The following CPEB3 variants were observed in gnomAD, a reference collection of about 807,000 sequenced individuals.
CPEB3 encodes the protein cytoplasmic polyadenylation element binding protein 3, also known as cytoplasmic polyadenylation element-binding protein 3.
Under a neutral mutation model 67.2 loss-of-function variants are expected in CPEB3, and 20 were observed. The observed-to-expected ratio is 0.30, with a 90% CI of 0.21 to 0.43. CPEB3 has a LOEUF of 0.43. Among genes scored for constraint, CPEB3 ranks in the 20% least tolerant of loss-of-function variants. The probability of loss-of-function intolerance (pLI) is 1.00; values close to 1 mark genes in which losing one functional copy is unlikely to be tolerated. For missense variants in CPEB3, 746 were observed against 968.6 expected (o/e 0.77, Z 3.05); for synonymous variants, 376 against 393.1 (o/e 0.96, Z 0.51).
intron 6 of CPEB3, among the ~76,000 whole-genome samples, chr10:92,142,043 A>C (rs534329427): frequency 1.7e-4 from 26 of 151,722 alleles, no homozygotes; most frequent in East Asian, 3.9e-4. Context: ...TAAAAACAAA[A>C]AAAAAAAAAA....
chr10:92,283,076 C>A (rs1376454450), intron 1 of CPEB3, among the ~76,000 whole-genome samples: 1 of 152,128 alleles, frequency 6.6e-6, no homozygotes, highest in Non-Finnish European at 1.5e-5. Flanking sequence ...CATGGCGAAA[C>A]CCTGTCTCTA....
chr10:92,049,224 TTTTC>T lies in CPEB3; in HGVS notation c.*2984_*2987del, dbSNP rs1449393128. On this transcript the variant is annotated 3_prime_UTR_variant, in exon 10 of 10. Transcript: ENST00000265997. ...TTATGCCTTTTTTCTTTTCTTTTTTTTTTCTATTTTTTATACAAACAGTACAAAC... is the reference window on the plus strand; with the variant it reads ...TTATGCCTTTTTTCTTTTCTTTTTTTTATTTTTTATACAAACAGTACAAAC... The T allele has an allele frequency of 6.6e-6, 1 of 152,514 alleles. No homozygotes were observed. The highest frequency in any genetic ancestry group is 1.5e-5 in the Non-Finnish European group (1 of 68,036). The allele number at this position is 152,514 out of a possible 1,614,324, so 9.4% of individuals were successfully genotyped here. A position where few individuals can be genotyped will look rare whatever the true frequency, so the allele number is the denominator to read the frequency against.
chr10:92,174,004 A>T (rs1396480054), intron 4 of CPEB3, among the ~76,000 whole-genome samples: 1 of 152,220 alleles, frequency 6.6e-6, no homozygotes, highest in Non-Finnish European at 1.5e-5. Flanking sequence ...AATGTCTTTA[A>T]TCTGAGAATC....
At chr10:92,181,619 A>G (rs1282682288) in intron 3 of CPEB3, among the ~76,000 whole-genome samples, 2 of 152,166 alleles carry the variant, frequency 1.3e-5, no homozygotes, top group Non-Finnish European at 2.9e-5. Flanking sequence ...TAATCTCCAC[A>G]TGTTCATCCT....
chr10:92,244,880 C>T (rs943970834), intron 1 of CPEB3, among the ~76,000 whole-genome samples: 3 of 152,268 alleles, frequency 2.0e-5, no homozygotes, highest in African/African-American at 7.2e-5. Context: ...GGTTTGTTCA[C>T]GTAGGCAGAA....
chr10:92,222,638 C>T (rs1259977243), intron 2 of CPEB3, among the ~76,000 whole-genome samples: 1 of 152,144 alleles, frequency 6.6e-6, no homozygotes, highest in Non-Finnish European at 1.5e-5. Flanking sequence ...AGTGCTTTTA[C>T]TCTGTATCTG....
At chr10:92,235,819 T>C (rs1452151175) in intron 2 of CPEB3, among the ~76,000 whole-genome samples, 1 of 152,228 alleles carries the variant, frequency 6.6e-6, no homozygotes, top group African/African-American at 2.4e-5. Flanking sequence ...TTATCCTCTG[T>C]AAAATGAGCA....
chr10:92,172,941 T>C (rs1349484097), intron 4 of CPEB3, among the ~76,000 whole-genome samples: 1 of 152,200 alleles, frequency 6.6e-6, no homozygotes, highest in Non-Finnish European at 1.5e-5. Flanking sequence ...GCACATCTTT[T>C]AGGAAGAAAT....
chr10:92,232,795 T>C (rs1426972622), intron 2 of CPEB3, among the ~76,000 whole-genome samples: 1 of 150,956 alleles, frequency 6.6e-6, no homozygotes, highest in Non-Finnish European at 1.5e-5. Flanking sequence ...GGCTAACCAA[T>C]AGAGAAAGCT....
At chr10:92,170,178 G>C (rs1321293732) in intron 4 of CPEB3, among the ~76,000 whole-genome samples, 1 of 152,088 alleles carries the variant, frequency 6.6e-6, no homozygotes, top group Non-Finnish European at 1.5e-5. Flanking sequence ...TCTTCTTCCT[G>C]TCTTGTACAA....
chr10:92,235,562 A>G (rs931558455), intron 2 of CPEB3, among the ~76,000 whole-genome samples: 2 of 152,260 alleles, frequency 1.3e-5, no homozygotes, highest in African/African-American at 4.8e-5. Context: ...TGGGCCAGGC[A>G]CTGTGCTACG....
chr10:92,163,222 G>A (rs1006440680), intron 4 of CPEB3, among the ~76,000 whole-genome samples: 6 of 152,176 alleles, frequency 3.9e-5, no homozygotes, highest in African/African-American at 1.2e-4. Flanking sequence ...ATCACCTGAG[G>A]TCAGGAGTTC....
intron 2 of CPEB3, chr10:92,216,368 G>A: frequency 1.2e-6 from 2 of 1,611,440 alleles, no homozygotes; most frequent in South Asian, 1.1e-5. Flanking sequence ...AGGGCCCGAG[G>A]CTCAGGCGGA....
intron 4 of CPEB3, among the ~76,000 whole-genome samples, chr10:92,151,028 C>T (rs1403028098): frequency 6.6e-6 from 1 of 152,168 alleles, no homozygotes; most frequent in Non-Finnish European, 1.5e-5. Context: ...AGTAATTGGA[C>T]AAATCATCTC....
chr10:92,194,813 G>A (rs1287851714), intron 2 of CPEB3, among the ~76,000 whole-genome samples: 5 of 151,876 alleles, frequency 3.3e-5, no homozygotes, highest in African/African-American at 1.2e-4. Context: ...AGGCTGAGGC[G>A]GGCGGATCAC....
At chr10:92,223,567 CTTTTT>C (rs903904452) in intron 2 of CPEB3, among the ~76,000 whole-genome samples, 2 of 84,146 alleles carry the variant, frequency 2.4e-5, no homozygotes, top group South Asian at 4.2e-4. Flanking sequence ...CTAATTATTT[CTTTTT>C]TTTTTTTTTT....
At chr10:92,141,434 G>C (rs1318836552) in intron 6 of CPEB3, among the ~76,000 whole-genome samples, 2 of 139,748 alleles carry the variant, frequency 1.4e-5, no homozygotes, top group Non-Finnish European at 3.0e-5. Context: ...TGAACAATGA[G>C]AACACATGGA....
At chr10:92,223,615 G>T (rs1001609146) in intron 2 of CPEB3, among the ~76,000 whole-genome samples, 1 of 118,346 alleles carries the variant, frequency 8.4e-6, no homozygotes, top group African/African-American at 3.2e-5. Context: ...TCGCTGTCAC[G>T]CAGGCTGGAG....
At chr10:92,154,106 G>GA (rs1028986453) in intron 4 of CPEB3, among the ~76,000 whole-genome samples, 3 of 152,192 alleles carry the variant, frequency 2.0e-5, no homozygotes, top group African/African-American at 7.2e-5. Flanking sequence ...CATGTGAAAT[G>GA]AAAAGCACAG....
Sources: gnomAD v4.1 joint callset for allele counts (sites outside exome capture counted in the v4.1 genomes callset) on GRCh38, gnomAD v4.1.1 for gene constraint, MANE v1.5 for transcripts, NCBI Gene and HGNC (gene_info 2026-07-23, HGNC 2026-07-21) for gene names.